FRAS1: variants seen among roughly 807,000 people sequenced by gnomAD.
FRAS1 encodes extracellular matrix organizing protein FRAS1.
A neutral mutation model predicts 435.2 loss-of-function variants in FRAS1; 290 were observed. The ratio of observed to expected loss-of-function variants is 0.67; its 90% confidence interval spans 0.61 to 0.73. The LOEUF is 0.73. Ranked by LOEUF, FRAS1 falls within the 30% of genes least tolerant of loss-of-function variation. The pLI is 0.00. For synonymous variants in FRAS1, 1,800 were observed against 1,851.0 expected (o/e 0.97, Z 0.71); for missense variants, 4,860 against 5,001.5 (o/e 0.97, Z 0.85).
intron 2 of FRAS1, among the ~76,000 whole-genome samples, chr4:78,184,602 C>CA (rs1722192348): frequency 6.6e-6 from 1 of 152,174 alleles, no homozygotes; most frequent in African/African-American, 2.4e-5. Context: ...ATAGGACAGG[C>CA]AGCCAGGAAG....
chr4:78,301,307 C>T (rs527768555), intron 14 of FRAS1, among the ~76,000 whole-genome samples: 72 of 150,578 alleles, frequency 4.8e-4, no homozygotes, highest in African/African-American at 1.5e-3. Context: ...TAGCCAAATT[C>T]GAAAAAATTC....
intron 65 of FRAS1, among the ~76,000 whole-genome samples, chr4:78,514,478 A>G (rs1362178822): frequency 6.6e-6 from 1 of 152,274 alleles, no homozygotes; most frequent in African/African-American, 2.4e-5. Flanking sequence ...TTCATTAAGC[A>G]TCACTTTTGG....
chr4:78,404,523 A>T (rs1733027466), intron 30 of FRAS1, among the ~76,000 whole-genome samples: 1 of 152,030 alleles, frequency 6.6e-6, no homozygotes, highest in Non-Finnish European at 1.5e-5. Context: ...TGTATTCAGC[A>T]TGTCCAGTAC....
intron 2 of FRAS1, among the ~76,000 whole-genome samples, chr4:78,127,756 A>G (rs28624340): frequency 0.049 from 7,447 of 151,826 alleles, 252 homozygotes; most frequent in Middle Eastern, 0.086. Flanking sequence ...TTTTAATTTT[A>G]TTATTATTAT....
chr4:78,286,314 A>G, intron 13 of FRAS1, 91 bp from the exon 14 acceptor site: 1 of 1,453,810 alleles, frequency 6.9e-7, no homozygotes, highest in Non-Finnish European at 9.6e-7. Flanking sequence ...TGGAGCCTCA[A>G]GATTGGGCTG....
intron 15 of FRAS1, among the ~76,000 whole-genome samples, chr4:78,310,317 G>A (rs1728965499): frequency 1.3e-5 from 2 of 152,206 alleles, no homozygotes; most frequent in Admixed American, 6.5e-5. Flanking sequence ...GTCACTGATG[G>A]AGGAACGGTG....
At chr4:78,451,461 T>C (rs1156557382) in intron 45 of FRAS1, among the ~76,000 whole-genome samples, 2 of 151,994 alleles carry the variant, frequency 1.3e-5, no homozygotes, top group Non-Finnish European at 2.9e-5. Flanking sequence ...ATGGGCAGTT[T>C]TGTGGATCTC....
At position 78,379,872 on chromosome 4, in the gene FRAS1, A is replaced by G; in HGVS notation, c.3439A>G (p.Thr1147Ala). 1.9e-6 allele frequency: 3 copies of G among 1,613,922 alleles called. No homozygotes were observed. Among genetic ancestry groups the G allele is most frequent in the South Asian group, 1.1e-5 (1 of 91,078 alleles). Reference protein sequence around the residue: ...DLLFHVVSTPTNGQLVLSRNG... With the variant: ...DLLFHVVSTPANGQLVLSRNG... Reference sequence around the variant, plus strand: ...CCTATTTCATGTTGTGAGCACTCCCACCAATGGTCAGCTAGTGCTCTCAAG... The same window carrying G: ...CCTATTTCATGTTGTGAGCACTCCCGCCAATGGTCAGCTAGTGCTCTCAAG... The change falls in exon 27 of 74, where the codon ACC (threonine) becomes GCC (alanine). Residue 1147 changes from threonine (T) to alanine (A), a missense_variant. Coordinates refer to ENST00000512123, the MANE Select transcript of FRAS1 (RefSeq NM_025074.7).
At chr4:78,116,592 C>T (rs1291847202) in intron 2 of FRAS1, among the ~76,000 whole-genome samples, 5 of 152,182 alleles carry the variant, frequency 3.3e-5, no homozygotes, top group African/African-American at 7.2e-5. Context: ...TAATGGCCTT[C>T]TTTGTCTCTT....
chr4:78,143,903 CAA>C (rs60130624), intron 2 of FRAS1, among the ~76,000 whole-genome samples: 115 of 78,096 alleles, frequency 1.5e-3, no homozygotes, highest in African/African-American at 3.5e-3. Flanking sequence ...GACCCTGTCT[CAA>C]AAAAAAAAAA....
intron 58 of FRAS1, among the ~76,000 whole-genome samples, chr4:78,485,447 G>A (rs1221552977): frequency 6.6e-6 from 1 of 152,114 alleles, no homozygotes; most frequent in African/African-American, 2.4e-5. Context: ...TTTTCTTTCA[G>A]AAAAGCTACA....
At chr4:78,458,566 G>A (rs1719273655) in intron 47 of FRAS1, among the ~76,000 whole-genome samples, 1 of 152,116 alleles carries the variant, frequency 6.6e-6, no homozygotes, top group African/African-American at 2.4e-5. Flanking sequence ...AGGGAGTGGG[G>A]AGAAAAGGCT....
intron 64 of FRAS1, among the ~76,000 whole-genome samples, chr4:78,511,965 A>C (rs1721056690): frequency 6.6e-6 from 1 of 152,138 alleles, no homozygotes; most frequent in South Asian, 2.1e-4. Context: ...TTAGAAGATT[A>C]TTAGCATTCA....
intron 2 of FRAS1, among the ~76,000 whole-genome samples, chr4:78,118,462 G>A (rs1285159231): frequency 6.6e-6 from 1 of 151,858 alleles, no homozygotes; most frequent in African/African-American, 2.4e-5. Flanking sequence ...AGGCCTCCTT[G>A]AGCTGCAGAT....
chr4:78,126,051 C>T (rs143127353), intron 2 of FRAS1, among the ~76,000 whole-genome samples: 3,577 of 152,286 alleles, frequency 0.023, 63 homozygotes, highest in South Asian at 0.048. Flanking sequence ...TTCGAGCTTC[C>T]CTGCTGCTTT....
chr4:78,456,989 A>G (rs1368136552), intron 47 of FRAS1, among the ~76,000 whole-genome samples: 2 of 152,190 alleles, frequency 1.3e-5, no homozygotes, highest in Non-Finnish European at 2.9e-5. Context: ...TTCATTCAGA[A>G]GTTAGGTAGT....
chr4:78,491,254 C>G (rs1720343038), intron 59 of FRAS1, among the ~76,000 whole-genome samples: 1 of 152,156 alleles, frequency 6.6e-6, no homozygotes, highest in Non-Finnish European at 1.5e-5. Flanking sequence ...ACCATTACTT[C>G]TGAAACTATT....
At chr4:78,421,178 G>T (rs562272384) in intron 33 of FRAS1, among the ~76,000 whole-genome samples, 2 of 151,924 alleles carry the variant, frequency 1.3e-5, no homozygotes, top group South Asian at 2.1e-4. Flanking sequence ...ATGGAGTTTC[G>T]CTCTTGTCAC....
chr4:78,134,707 T>G (rs930575191), intron 2 of FRAS1, among the ~76,000 whole-genome samples: 1 of 152,212 alleles, frequency 6.6e-6, no homozygotes, highest in Non-Finnish European at 1.5e-5. Context: ...TATAATATCA[T>G]ATTGGTAAAT....
Sources: gnomAD v4.1 joint callset for allele counts (sites outside exome capture counted in the v4.1 genomes callset) on GRCh38, gnomAD v4.1.1 for gene constraint, MANE v1.5 for transcripts, NCBI Gene and HGNC (gene_info 2026-07-23, HGNC 2026-07-21) for gene names.